Variants in SHLD2 observed in about 807,000 individuals in gnomAD.
The protein encoded by SHLD2 is shieldin complex subunit 2.
A neutral mutation model predicts 73.2 loss-of-function variants in SHLD2; 30 were observed. The observed-to-expected ratio is 0.41, with a 90% confidence interval of 0.31 to 0.56. SHLD2 has a LOEUF of 0.56. Ranked by LOEUF, SHLD2 falls within the 20% of genes least tolerant of loss-of-function variation. SHLD2 has a pLI of 0.28. For missense variants in SHLD2, 745 were observed against 1,055.9 expected (o/e 0.71, Z 4.08); for synonymous variants, 285 against 370.1 (o/e 0.77, Z 2.64).
At chr10:87,181,526 A>G (rs914401111) in intron 8 of SHLD2, among the ~76,000 whole-genome samples, 1 of 152,208 alleles carries the variant, frequency 6.6e-6, no homozygotes, top group Non-Finnish European at 1.5e-5. Context: ...TTGGACAAAA[A>G]TGTTGCTCAA....
chr10:87,128,502 A>G (rs1231614539), intron 2 of SHLD2, among the ~76,000 whole-genome samples: 2 of 152,188 alleles, frequency 1.3e-5, no homozygotes, highest in Non-Finnish European at 2.9e-5. Flanking sequence ...TTTCTCCTGC[A>G]TTGGCACTTC....
At chr10:87,128,392 A>T (rs1844191196) in intron 2 of SHLD2, among the ~76,000 whole-genome samples, 1 of 152,138 alleles carries the variant, frequency 6.6e-6, no homozygotes, top group South Asian at 2.1e-4. Context: ...TGTCAGTTTC[A>T]TCATCTTGAA....
chr10:87,115,089 C>G (rs1293418273), intron 2 of SHLD2, among the ~76,000 whole-genome samples: 1 of 152,108 alleles, frequency 6.6e-6, no homozygotes, highest in South Asian at 2.1e-4. Flanking sequence ...CGTGCTCTGT[C>G]GCCCAGGCTG....
At position 87,152,526 on chromosome 10, in the gene SHLD2, C is replaced by T. The variant is rs780186287; in HGVS notation, c.1172C>T (p.Ala391Val). The T allele has an allele frequency of 1.9e-6, 3 of 1,611,922 alleles. No individual in the cohort carries two copies. The highest frequency in any genetic ancestry group is 2.5e-6 in the Non-Finnish European group (3 of 1,179,844). ...GAAGATAAAGTGGGCCAGTCTGAAG[C>T]TCTATCTAGAGTCCTTCAAGTAGCT... ...TSEDKVGQSE[A>V]LSRVLQVAKK... The change falls in exon 3 of 10, where the codon GCT becomes GTT. Residue 391 changes from alanine (A) to valine (V), a missense_variant. Around this residue, in one of 5 missense-constraint regions of SHLD2, gnomAD observed 20 missense variants for 26.9 expected, o/e 0.74. Coordinates refer to ENST00000298786, the MANE Select transcript of SHLD2 (RefSeq NM_001330112.2).
upstream of SHLD2, chr10:87,094,814 C>A: frequency 1.4e-6 from 2 of 1,456,892 alleles, no homozygotes; most frequent in Admixed American, 1.9e-5. This position sits in a 1 kb window ranked among gnomAD's most constrained non-coding sequence, Gnocchi z 6.6. Context: ...GAAACAGGCG[C>A]GCTTTCTCAG....
At chr10:87,160,033 T>C (rs1048423340) in intron 4 of SHLD2, among the ~76,000 whole-genome samples, 3 of 152,072 alleles carry the variant, frequency 2.0e-5, no homozygotes, top group Non-Finnish European at 4.4e-5. Flanking sequence ...TCACAGGGGA[T>C]TGCAAAAATA....
intron 2 of SHLD2, among the ~76,000 whole-genome samples, chr10:87,145,902 A>G (rs1344986703): frequency 2.0e-5 from 3 of 152,184 alleles, no homozygotes; most frequent in Non-Finnish European, 4.4e-5. Flanking sequence ...CCTAAAACAT[A>G]TCCTAGAATT....
chr10:87,103,441 C>T (rs1039418197), intron 2 of SHLD2, among the ~76,000 whole-genome samples: 2 of 152,142 alleles, frequency 1.3e-5, no homozygotes. Flanking sequence ...GCAATTTGAT[C>T]ATCACAACAA....
intron 2 of SHLD2, among the ~76,000 whole-genome samples, chr10:87,100,008 T>C (rs1375343955): frequency 6.6e-6 from 1 of 152,210 alleles, no homozygotes; most frequent in African/African-American, 2.4e-5. Flanking sequence ...ATGTTCTAGA[T>C]GTAAGTTCCT....
At chr10:87,120,279 G>T (rs1482460634) in intron 2 of SHLD2, among the ~76,000 whole-genome samples, 1 of 150,188 alleles carries the variant, frequency 6.7e-6, no homozygotes. Flanking sequence ...ACAGAGTCTT[G>T]CTCTATCGCC....
intron 2 of SHLD2, among the ~76,000 whole-genome samples, chr10:87,108,896 T>C (rs562624887): frequency 1.3e-5 from 2 of 152,310 alleles, no homozygotes; most frequent in African/African-American, 2.4e-5. Context: ...ATCTTTGTGC[T>C]GTCCTCTGTC....
chr10:87,139,797 C>T (rs1479162236), intron 2 of SHLD2, among the ~76,000 whole-genome samples: 1 of 152,088 alleles, frequency 6.6e-6, no homozygotes, highest in East Asian at 1.9e-4. Flanking sequence ...TGTACTCCAA[C>T]CTGGGTGACA....
rs530964859 is a variant in SHLD2 at position 87,140,297 on chromosome 10, G to A, written c.-5-11053G>A. 7.9e-5 allele frequency among the ~76,000 whole-genome samples: 12 copies of A among 151,466 alleles called. No homozygotes were observed. In the South Asian group the frequency reaches 2.1e-3, roughly 26 times the overall value. ...TAGCTGGGCTTGGTGGCATGCGACT[G>A]TAATCTCAGCTTCTTGGGAGGCTGA... On this transcript the variant is annotated intron_variant, in intron 2 of 9. Coordinates refer to ENST00000298786, the MANE Select transcript of SHLD2 (RefSeq NM_001330112.2).
Position 87,180,300 on chromosome 10 carries a change from A to G in SHLD2, c.2396A>G (p.Tyr799Cys), listed in dbSNP as rs1277030345. 11 of 1,603,210 alleles carry G rather than the reference A, an allele frequency of 6.9e-6. No homozygotes were observed. The highest frequency in any genetic ancestry group is 9.4e-6 in the Non-Finnish European group (11 of 1,173,512). The change falls in exon 8 of 10, where the codon TAT (tyrosine) becomes TGT (cysteine). Residue 799 changes from tyrosine to cysteine, a missense_variant. Transcript: ENST00000298786. ...CCATTTACTATGAAGAAAATATATT[A>G]TAGGTAAGGCAACTAAGCAAGCCAA... ...CLPFTMKKIYYRPALMTAIDG... is the reference protein window; with the variant it reads ...CLPFTMKKIYCRPALMTAIDG...
In SHLD2 at chr10:87,152,880, G is replaced by T; in HGVS notation, c.1525+1G>T. Reference sequence around the variant, plus strand: ...CTTGGAGATATAATTTTACTCACAGGTGAGGTCATTATGGTATAGTGGTAG... The same window carrying T: ...CTTGGAGATATAATTTTACTCACAGTTGAGGTCATTATGGTATAGTGGTAG... On this transcript the variant is annotated splice_donor_variant, in intron 3 of 9. Coordinates refer to ENST00000298786, the MANE Select transcript of SHLD2 (RefSeq NM_001330112.2). LOFTEE classifies it high-confidence loss of function. 1.2e-6 allele frequency: 2 copies of T among 1,610,842 alleles called. No individual in the cohort carries two copies. Among genetic ancestry groups the T allele is most frequent in the East Asian group, 2.2e-5 (1 of 44,846 alleles).
intron 8 of SHLD2, among the ~76,000 whole-genome samples, chr10:87,182,993 T>C (rs1459085194): frequency 1.3e-5 from 2 of 152,174 alleles, no homozygotes; most frequent in African/African-American, 4.8e-5. Flanking sequence ...TACCAAATTC[T>C]GTTCATCAGA....
In SHLD2 at chr10:87,152,742, C is replaced by A; in HGVS notation, c.1388C>A (p.Pro463Gln). Reference protein sequence around the residue: ...HVKEINIKFGPNSGSKVPLAT... With the variant: ...HVKEINIKFGQNSGSKVPLAT... ...AAGGAAATAAACATAAAATTCGGAC[C>A]AAATTCTGGCTCTAAAGTGCCTTTA... is the stretch of plus-strand genomic sequence containing the variant. Residue 463 changes from proline to glutamine, a missense_variant, in exon 3 of 10, where the codon CCA becomes CAA. Physicochemically the swap from Pro to Gln is moderately conservative, Grantham distance 76. This residue lies in a region of SHLD2 where 418 missense variants were observed against 567.8 expected (regional missense o/e 0.74). Transcript: ENST00000298786. 1 of 1,611,866 alleles carries A rather than the reference C, an allele frequency of 6.2e-7. No individual in the cohort carries two copies.
intron 2 of SHLD2, among the ~76,000 whole-genome samples, chr10:87,147,323 G>A (rs61858908): frequency 0.035 from 5,278 of 151,568 alleles, 153 homozygotes; most frequent in Non-Finnish European, 0.058. Context: ...ATTCTCTAGA[G>A]GTGTGTGGAA....
chr10:87,101,217 T>C (rs1048690226), intron 2 of SHLD2, among the ~76,000 whole-genome samples: 1 of 152,196 alleles, frequency 6.6e-6, no homozygotes, highest in Admixed American at 6.5e-5. Context: ...GAATCAAGTA[T>C]AGAATTCAAG....
Sources: gnomAD v4.1 joint callset for allele counts (sites outside exome capture counted in the v4.1 genomes callset) on GRCh38, gnomAD v4.1.1 for gene constraint, gnomAD v4.1.1 regional missense constraint, Gnocchi (gnomAD v3.1) non-coding constraint, MANE v1.5 for transcripts, NCBI Gene and HGNC (gene_info 2026-07-23, HGNC 2026-07-21) for gene names.